The following SIRT1 variants were observed in gnomAD, a reference collection of about 807,000 sequenced individuals.
The protein encoded by SIRT1 is sirtuin 1, also known as NAD-dependent protein deacetylase sirtuin-1.
In SIRT1, 24 loss-of-function variants were observed where a neutral mutation model predicts 67.9. That is an observed-to-expected ratio of 0.35 (90% CI 0.26 to 0.50). SIRT1 has a LOEUF of 0.50. SIRT1 is among the 20% of genes least tolerant of loss of function. The pLI is 0.98. For missense variants in SIRT1, 873 were observed against 937.2 expected, an observed-to-expected ratio of 0.93 and a Z score of 0.89; for synonymous variants, 378 against 350.7, an observed-to-expected ratio of 1.08 and a Z score of -0.87.
In SIRT1 at chr10:67,909,250, A is replaced by G; in HGVS notation, c.1171-6A>G. Reference sequence around the variant, plus strand: ...TCTACCTCAACCAAAATCTGAAAATATGTAGGTAGTTCCTCGATGTCCTAG... The same window carrying G: ...TCTACCTCAACCAAAATCTGAAAATGTGTAGGTAGTTCCTCGATGTCCTAG... On this transcript the variant is annotated splice_region_variant and splice_polypyrimidine_tract_variant and intron_variant, in intron 6 of 8. Coordinates refer to ENST00000212015, the MANE Select transcript of SIRT1 (RefSeq NM_012238.5). The G allele has an allele frequency of 1.3e-6, 2 of 1,577,860 alleles. No homozygotes were observed. Among genetic ancestry groups the G allele is most frequent in the Non-Finnish European group, 1.7e-6 (2 of 1,166,374 alleles).
At chr10:67,906,260 C>A in intron 4 of SIRT1, 1 of 1,585,434 alleles carries the variant, frequency 6.3e-7, no homozygotes, top group Non-Finnish European at 8.6e-7. Context: ...CCAGTATGTG[C>A]CTGTGCAGTG....
chr10:67,892,034 C>G (rs961548407), intron 4 of SIRT1, among the ~76,000 whole-genome samples: 2 of 152,120 alleles, frequency 1.3e-5, no homozygotes, highest in Non-Finnish European at 2.9e-5. Context: ...TTATTCTGCT[C>G]TAGAGTTGCA....
intron 3 of SIRT1, among the ~76,000 whole-genome samples, chr10:67,890,427 A>G (rs987650710): frequency 2.0e-5 from 3 of 152,008 alleles, no homozygotes; most frequent in African/African-American, 7.2e-5. Flanking sequence ...TAAAGGAGCA[A>G]TTTCTTTGGA....
At chr10:67,885,868 T>A (rs962282014) in intron 1 of SIRT1, among the ~76,000 whole-genome samples, 1 of 152,078 alleles carries the variant, frequency 6.6e-6, no homozygotes, top group African/African-American at 2.4e-5. Flanking sequence ...ATGTATGTAG[T>A]ATTGAGACAC....
At chr10:67,894,046 A>G (rs1842615752) in intron 4 of SIRT1, among the ~76,000 whole-genome samples, 1 of 152,200 alleles carries the variant, frequency 6.6e-6, no homozygotes, top group South Asian at 2.1e-4. Context: ...AAGCTGAGAT[A>G]GGAAGATCTC....
chr10:67,895,732 T>G (rs888887685), intron 4 of SIRT1, among the ~76,000 whole-genome samples: 4 of 103,520 alleles, frequency 3.9e-5, no homozygotes, highest in African/African-American at 1.6e-4. Context: ...AGAATTAACT[T>G]GTTTTTTTTT....
At chr10:67,888,769 T>G in intron 2 of SIRT1, 113 bp from the exon 3 acceptor site, 1 of 1,208,346 alleles carries the variant, frequency 8.3e-7, no homozygotes, top group Non-Finnish European at 1.2e-6. Context: ...TTAAATTGCA[T>G]TTTCTTACTT....
chr10:67,909,513 C>A, intron 7 of SIRT1, 71 bp downstream of exon 7: 1 of 1,220,466 alleles, frequency 8.2e-7, no homozygotes, highest in Non-Finnish European at 1.1e-6. Flanking sequence ...GTATAATAGA[C>A]GCTAGTAATC....
chr10:67,890,584 T>C (rs1589069261), intron 3 of SIRT1, among the ~76,000 whole-genome samples: 1 of 151,638 alleles, frequency 6.6e-6, no homozygotes, highest in East Asian at 1.9e-4. Context: ...CTACAAAAAA[T>C]TAGCCTGGTG....
In SIRT1 at chr10:67,916,629, A is replaced by G. The variant is rs2029922422; in HGVS notation, c.*36A>G. 1 of 1,533,442 alleles carries G rather than the reference A, an allele frequency of 6.5e-7. No homozygotes were observed. The highest frequency in any genetic ancestry group is 1.4e-5 in the African/African-American group (1 of 72,736). 95.0% of individuals were successfully genotyped at this position (1,533,442 alleles called of 1,614,324 possible). On this transcript the variant is annotated 3_prime_UTR_variant, in exon 9 of 9. Coordinates refer to ENST00000212015, the MANE Select transcript of SIRT1 (RefSeq NM_012238.5). ...GTGCAGGTACAGGAATTGTTCCACC[A>G]GCATTAGGAACTTTAGCATGTCAAA...
In SIRT1 at chr10:67,916,813, AG is replaced by A. The variant is rs1260485400; in HGVS notation, c.*222del. 3 of 309,012 alleles carry A rather than the reference AG, an allele frequency of 9.7e-6. No homozygotes were observed. Among genetic ancestry groups the A allele is most frequent in the Non-Finnish European group, 1.8e-5 (3 of 165,018 alleles). The allele number at this position is 309,012 out of a possible 1,614,324, so 19.1% of individuals were successfully genotyped here. ...AACTTTTTTTTTTTTAAAAAAAAAA[AG>A]GTACTAAGTATCTTCAATCAGCTGT... is the stretch of plus-strand genomic sequence containing the variant. On this transcript the variant is annotated 3_prime_UTR_variant, in exon 9 of 9. Coordinates refer to ENST00000212015, the MANE Select transcript of SIRT1 (RefSeq NM_012238.5).
At chr10:67,898,131 A>G (rs962472735) in intron 4 of SIRT1, among the ~76,000 whole-genome samples, 1 of 150,892 alleles carries the variant, frequency 6.6e-6, no homozygotes, top group East Asian at 2.0e-4. Flanking sequence ...GTGGTGGCGC[A>G]TGCTGTAATC....
At chr10:67,897,838 A>G (rs1223485696) in intron 4 of SIRT1, among the ~76,000 whole-genome samples, 2 of 152,014 alleles carry the variant, frequency 1.3e-5, no homozygotes, top group African/African-American at 4.8e-5. Flanking sequence ...TAAATTGATA[A>G]TAAGTTGTGG....
intron 8 of SIRT1, among the ~76,000 whole-genome samples, chr10:67,913,752 G>C (rs1232123537): frequency 6.6e-6 from 1 of 152,160 alleles, no homozygotes; most frequent in Non-Finnish European, 1.5e-5. Flanking sequence ...CTGTAACTTA[G>C]CTATAACAGT....
At position 67,912,685 on chromosome 10, in the gene SIRT1, T is replaced by C; in HGVS notation, c.1569T>C (p.Tyr523=). 3.7e-6 allele frequency: 6 copies of C among 1,614,130 alleles called. No individual in the cohort carries two copies. Among genetic ancestry groups the C allele is most frequent in the Non-Finnish European group, 4.2e-6 (5 of 1,180,022 alleles). ...KPPRTQKELA[Y]LSELPPTPLH... The stretch of plus-strand genomic sequence containing the variant: ...CACGAACACAAAAAGAATTGGCTTA[T>C]TTGTCAGAGTTGCCACCCACACCTC... The change falls in exon 8 of 9, where the codon TAT becomes TAC. Residue 523 remains tyrosine, a synonymous_variant. Transcript: ENST00000212015.
chr10:67,914,981 C>T (rs1185793938), intron 8 of SIRT1, among the ~76,000 whole-genome samples: 1 of 151,748 alleles, frequency 6.6e-6, no homozygotes, highest in Non-Finnish European at 1.5e-5. Context: ...CAGCCTTGGC[C>T]TCCCAAAGTG....
chr10:67,891,767 GAT>G (rs528545735), intron 4 of SIRT1, among the ~76,000 whole-genome samples: 52 of 152,270 alleles, frequency 3.4e-4, no homozygotes, highest in African/African-American at 1.2e-3. Flanking sequence ...TTTTCAAAGA[GAT>G]AGTTCATATT....
In SIRT1 at chr10:67,885,082, T is replaced by TACGACGAAG; in HGVS notation, c.369_377dup (p.Glu123_Asp125dup). 1 of 1,446,116 alleles carries TACGACGAAG rather than the reference T, an allele frequency of 6.9e-7. No individual in the cohort carries two copies. The highest frequency in any genetic ancestry group is 3.0e-5 in the East Asian group (1 of 33,016). 89.6% of individuals were successfully genotyped at this position (1,446,116 alleles called of 1,614,324 possible). The stretch of plus-strand genomic sequence containing the variant: ...GGAGCCACCGCTGGCCGACAACTTG[T>TACGACGAAG]ACGACGAAGACGACGACGACGAGGG... On this transcript the variant is annotated inframe_insertion, in exon 1 of 9. Coordinates refer to ENST00000212015, the MANE Select transcript of SIRT1 (RefSeq NM_012238.5).
intron 8 of SIRT1, 31 bp from the exon 9 acceptor site, chr10:67,916,234 T>C: frequency 6.4e-7 from 1 of 1,567,680 alleles, no homozygotes; most frequent in Non-Finnish European, 8.7e-7. Flanking sequence ...GTTAGAAAAC[T>C]GAAAGTAACA....
Sources: allele counts gnomAD v4.1 joint callset (sites outside exome capture counted in the v4.1 genomes callset), GRCh38; gene constraint gnomAD v4.1.1; transcripts MANE v1.5; gene names NCBI Gene and HGNC (gene_info 2026-07-23, HGNC 2026-07-21).